The following ADPRHL1 variants were observed in gnomAD, a reference collection of about 807,000 sequenced individuals.
The protein encoded by ADPRHL1 is inactive ADP-ribosyltransferase ARH2.
In ADPRHL1, 43 loss-of-function variants were observed where a neutral mutation model predicts 44.1. That is an observed-to-expected ratio of 0.98 (90% CI 0.76 to 1.26). The LOEUF (loss-of-function observed/expected upper bound fraction) is 1.26. Ranked by LOEUF, ADPRHL1 falls within the 50% of genes most tolerant of loss-of-function variation. ADPRHL1 has a pLI of 0.00. For missense variants in ADPRHL1, 2,022 were observed against 2,496.9 expected (o/e 0.81, Z 4.05); for synonymous variants, 878 against 1,017.4 (o/e 0.86, Z 2.61).
Position 113,409,417 on chromosome 13 carries a change from G to A in ADPRHL1, c.1062-1197C>T. 1 of 985,362 alleles carries A rather than the reference G, an allele frequency of 1.0e-6. No individual in the cohort carries two copies. Among genetic ancestry groups the A allele is most frequent in the Non-Finnish European group, 1.2e-6 (1 of 829,926 alleles). The allele number at this position is 985,362 out of a possible 1,614,324, so 61.0% of individuals were successfully genotyped here. On this transcript the variant is annotated intron_variant, in intron 7 of 7. Coordinates refer to ENST00000612156, the MANE Select transcript of ADPRHL1 (RefSeq NM_001394807.1). This position sits in a 1 kb window ranked among gnomAD's most constrained non-coding sequence, Gnocchi z 4.2. ...AGGAACAAAGACTCGAGTATTACAG[G>A]AAAAGTCGCCTTCATGGTGCCGTTT...
At chr13:113,414,410 C>T (rs1595540068) in intron 7 of ADPRHL1, among the ~76,000 whole-genome samples, 1 of 131,098 alleles carries the variant, frequency 7.6e-6, no homozygotes, top group Non-Finnish European at 1.6e-5. Context: ...GGCAGATTGG[C>T]CCCCACCCTC....
intron 5 of ADPRHL1, among the ~76,000 whole-genome samples, chr13:113,424,826 A>ATCCATTCACCCACCCATTCAT: frequency 3.3e-5 from 2 of 59,990 alleles, no homozygotes; most frequent in South Asian, 6.6e-4. Flanking sequence ...CCATCCATTC[A>ATCCATTCACCCACCCATTCAT]CCTGTCCACC....
intron 7 of ADPRHL1, among the ~76,000 whole-genome samples, chr13:113,418,455 C>T (rs1176155603): frequency 1.3e-5 from 2 of 152,128 alleles, no homozygotes; most frequent in African/African-American, 2.4e-5. Context: ...GACAGCTCTG[C>T]CATGGCTTTC....
rs760737716 is a variant in ADPRHL1 at position 113,408,134 on chromosome 13, G to A, written c.1148C>T (p.Pro383Leu). ...KKKMGKLACDPAAHSILSSLL... is the reference protein window; with the variant it reads ...KKKMGKLACDLAAHSILSSLL... ...GCTGCTGAGGATGGAGTGGGCGGCC[G>A]GGTCACAGGCCAGCTTGCCCATCTT... The change falls in exon 8 of 8, where the codon CCG becomes CTG. Residue 383 changes from proline to leucine, a missense_variant. By Grantham distance (98) the Pro-to-Leu change is moderately conservative (BLOSUM62 -3). Transcript: ENST00000612156. The A allele has an allele frequency of 2.4e-6, 3 of 1,232,044 alleles. No homozygotes were observed. Among genetic ancestry groups the A allele is most frequent in the Non-Finnish European group, 3.0e-6 (3 of 987,982 alleles). 76.3% of individuals were successfully genotyped at this position (1,232,044 alleles called of 1,614,324 possible). A position where few individuals can be genotyped will look rare whatever the true frequency, so the allele number is the denominator to read the frequency against.
Position 113,405,907 on chromosome 13 carries a change from C to G in ADPRHL1, c.3375G>C (p.Thr1125=). 1 of 1,232,046 alleles carries G rather than the reference C, an allele frequency of 8.1e-7. No homozygotes were observed. The highest frequency in any genetic ancestry group is 1.0e-6 in the Non-Finnish European group (1 of 988,068). The allele number at this position is 1,232,046 out of a possible 1,614,324, so 76.3% of individuals were successfully genotyped here. A position where few individuals can be genotyped will look rare whatever the true frequency, so the allele number is the denominator to read the frequency against. ...AAAGSVASRA[T]PAPAPGSTQS... Reference sequence around the variant, plus strand: ...GGGTGCTGCCTGGCGCTGGTGCAGGCGTGGCGCGGCTCGCAACGCTCCCTG... The same window carrying G: ...GGGTGCTGCCTGGCGCTGGTGCAGGGGTGGCGCGGCTCGCAACGCTCCCTG... The change falls in exon 8 of 8, where the codon ACG becomes ACC. Residue 1125 remains threonine, a synonymous_variant. Transcript: ENST00000612156.
At chr13:113,438,953 C>T (rs2139642707) in intron 2 of ADPRHL1, among the ~76,000 whole-genome samples, 1 of 152,280 alleles carries the variant, frequency 6.6e-6, no homozygotes, top group Non-Finnish European at 1.5e-5. Context: ...TTTGACTTGC[C>T]TTTTCATTCA....
intron 7 of ADPRHL1, among the ~76,000 whole-genome samples, chr13:113,412,270 C>T (rs1365633418): frequency 6.6e-6 from 1 of 152,226 alleles, no homozygotes; most frequent in South Asian, 2.1e-4. Flanking sequence ...CTCCGCCTCC[C>T]AGGTTCACAG....
Position 113,399,611 on chromosome 13 carries a change from T to A in ADPRHL1, c.*3767A>T, listed in dbSNP as rs1255498949. The A allele has an allele frequency of 1.3e-5, 2 of 152,108 alleles. No homozygotes were observed. The highest frequency in any genetic ancestry group is 2.9e-5 in the Non-Finnish European group (2 of 67,990). The allele number at this position is 152,108 out of a possible 1,614,324, so 9.4% of individuals were successfully genotyped here. A position where few individuals can be genotyped will look rare whatever the true frequency, so the allele number is the denominator to read the frequency against. On this transcript the variant is annotated 3_prime_UTR_variant, in exon 8 of 8. Coordinates refer to ENST00000612156, the MANE Select transcript of ADPRHL1 (RefSeq NM_001394807.1). ...TTCAACAATGCAAGGAAGAGATTTG[T>A]AATGGGAAAGGTATTTTATTTCTTT... is the stretch of plus-strand genomic sequence containing the variant.
In ADPRHL1 at chr13:113,406,114, G is replaced by C; in HGVS notation, c.3168C>G (p.Thr1056=). 11 of 1,232,144 alleles carry C rather than the reference G, an allele frequency of 8.9e-6. No homozygotes were observed. Among genetic ancestry groups the C allele is most frequent in the Non-Finnish European group, 1.1e-5 (11 of 987,990 alleles). 76.3% of individuals were successfully genotyped at this position (1,232,144 alleles called of 1,614,324 possible). ...CACCGGGCACTGTCATGCCCATCGG[G>C]GTGACACCCTCAGGCCCCGTACGCC... ...SKGRTGPEGV[T]PMGMTVPGAL... is the part of the protein sequence containing the mutation. Residue 1056 remains threonine, a synonymous_variant, in exon 8 of 8, where the codon ACC becomes ACG. Coordinates refer to ENST00000612156, the MANE Select transcript of ADPRHL1 (RefSeq NM_001394807.1).
At chr13:113,449,249 TCAGAGAGGCTCACC>T (rs1200701186) in intron 1 of ADPRHL1, 2 of 958,000 alleles carry the variant, frequency 2.1e-6, no homozygotes, top group African/African-American at 2.0e-5. Flanking sequence ...GCAGCCCCAG[TCAGAGAGGCTCACC>T]GGGAAGGAGG....
In ADPRHL1 at chr13:113,453,395, C is replaced by T. The variant is rs774591323; in HGVS notation, c.43G>A (p.Asp15Asn). Reference sequence around the variant, plus strand: ...CAGACATTTCTGTAGCCAAGAGCATCGCCGACGCTCCCCAGCAACATCGCA... The same window carrying T: ...CAGACATTTCTGTAGCCAAGAGCATTGCCGACGCTCCCCAGCAACATCGCA... ...KAAMLLGSVG[D>N]ALGYRNVCKE... Residue 15 changes from aspartate to asparagine, a missense_variant, in exon 1 of 8, where the codon GAT (aspartate) becomes AAT (asparagine). Coordinates refer to ENST00000612156, the MANE Select transcript of ADPRHL1 (RefSeq NM_001394807.1). The surrounding 1 kb of genome is among the most constrained non-coding windows in gnomAD (Gnocchi z 5.4). 18 of 1,614,150 alleles carry T rather than the reference C, an allele frequency of 1.1e-5. No individual in the cohort carries two copies. The highest frequency in any genetic ancestry group is 1.6e-4 in the Middle Eastern group (1 of 6,062).
intron 3 of ADPRHL1, among the ~76,000 whole-genome samples, chr13:113,430,167 A>C (rs1348043332): frequency 1.3e-5 from 2 of 152,194 alleles, no homozygotes; most frequent in Non-Finnish European, 2.9e-5. Context: ...CCACCATTGC[A>C]GTGGCCTCAT....
At chr13:113,431,490 G>A (rs1038918992) in intron 3 of ADPRHL1, among the ~76,000 whole-genome samples, 1 of 152,220 alleles carries the variant, frequency 6.6e-6, no homozygotes, top group African/African-American at 2.4e-5. Context: ...TCCTGACCCT[G>A]CCTACGGCTC....
At chr13:113,427,983 A>G (rs1050289532) in intron 4 of ADPRHL1, among the ~76,000 whole-genome samples, 1 of 152,236 alleles carries the variant, frequency 6.6e-6, no homozygotes, top group African/African-American at 2.4e-5. Flanking sequence ...AGAAGACTTC[A>G]GACCAGGCGA....
chr13:113,412,724 C>CCCACCGCCAACAGTGCCCCGCGGAGCT, intron 7 of ADPRHL1, among the ~76,000 whole-genome samples: 1 of 149,820 alleles, frequency 6.7e-6, no homozygotes, highest in Non-Finnish European at 1.5e-5. Context: ...GCTCAGTTCA[C>CCCACCGCCAACAGTGCCCCGCGGAGCT]CCACCGCCAA....
chr13:113,410,446 G>A (rs1383476969), intron 7 of ADPRHL1, among the ~76,000 whole-genome samples: 11 of 152,308 alleles, frequency 7.2e-5, no homozygotes, highest in African/African-American at 2.2e-4. Flanking sequence ...GGCAGACGGC[G>A]CTCCTTCCAA....
intron 4 of ADPRHL1, among the ~76,000 whole-genome samples, chr13:113,427,685 G>T (rs574887273): frequency 3.2e-4 from 49 of 152,350 alleles, no homozygotes; most frequent in Admixed American, 1.8e-3. Context: ...GAAACAAAGT[G>T]TGCTGTGGCC....
chr13:113,410,656 G>C (rs557298386), intron 7 of ADPRHL1, among the ~76,000 whole-genome samples: 14 of 152,204 alleles, frequency 9.2e-5, no homozygotes, highest in South Asian at 2.1e-4. Flanking sequence ...CTGGTAAAGT[G>C]ATCCCGGGCG....
chr13:113,442,754 A>G (rs1400540723), intron 2 of ADPRHL1, among the ~76,000 whole-genome samples: 2 of 152,158 alleles, frequency 1.3e-5, no homozygotes, highest in African/African-American at 4.8e-5. Context: ...ATTTGGAACA[A>G]TTTTGACAAT....
Sources: allele counts gnomAD v4.1 joint callset (sites outside exome capture counted in the v4.1 genomes callset), GRCh38; gene constraint gnomAD v4.1.1; non-coding constraint Gnocchi (gnomAD v3.1); transcripts MANE v1.5; gene names NCBI Gene and HGNC (gene_info 2026-07-23, HGNC 2026-07-21).